TPD52L1: variants seen among roughly 807,000 people sequenced by gnomAD.
TPD52L1 encodes the protein TPD52 like 1.
A neutral mutation model predicts 28.7 loss-of-function variants in TPD52L1; 18 were observed. That is an observed-to-expected ratio of 0.63 (90% CI 0.43 to 0.93). The LOEUF is 0.93. Ranked by LOEUF, TPD52L1 falls within the 40% of genes least tolerant of loss-of-function variation. The probability of loss-of-function intolerance (pLI) is 0.00; values close to 1 mark genes in which losing one functional copy is unlikely to be tolerated. For synonymous variants in TPD52L1, 75 were observed against 88.8 expected, an observed-to-expected ratio of 0.84 and a Z score of 0.88; for missense variants, 203 against 254.8, an observed-to-expected ratio of 0.80 and a Z score of 1.39.
chr6:125,199,741 A>G (rs992653905), intron 1 of TPD52L1, among the ~76,000 whole-genome samples: 1 of 152,260 alleles, frequency 6.6e-6, no homozygotes, highest in African/African-American at 2.4e-5. Context: ...CCTGCAATAT[A>G]CAAATTAAAT....
At chr6:125,171,951 C>T (rs563104664) in intron 1 of TPD52L1, among the ~76,000 whole-genome samples, 1 of 152,108 alleles carries the variant, frequency 6.6e-6, no homozygotes, top group East Asian at 1.9e-4. Flanking sequence ...TGTGCTCTTG[C>T]CTTGCCTTGG....
chr6:125,235,202 G>A (rs932801947), intron 3 of TPD52L1, among the ~76,000 whole-genome samples: 10 of 151,766 alleles, frequency 6.6e-5, no homozygotes, highest in Non-Finnish European at 1.2e-4. Context: ...GCTTCTGGAT[G>A]GGGACCTATC....
intron 1 of TPD52L1, among the ~76,000 whole-genome samples, chr6:125,173,151 TTG>T (rs879857661): frequency 6.6e-6 from 1 of 152,000 alleles, no homozygotes. Flanking sequence ...TGCTGTGTGT[TTG>T]TGTGTGTGTG....
intron 1 of TPD52L1, among the ~76,000 whole-genome samples, chr6:125,187,231 A>T (rs1199922417): frequency 6.6e-6 from 1 of 152,224 alleles, no homozygotes; most frequent in Non-Finnish European, 1.5e-5. Flanking sequence ...TTTAAGTAAC[A>T]ATATGGCATT....
intron 2 of TPD52L1, among the ~76,000 whole-genome samples, chr6:125,226,670 C>T (rs1795629482): frequency 1.3e-5 from 2 of 151,652 alleles, no homozygotes; most frequent in African/African-American, 4.8e-5. Flanking sequence ...ATACCCCCAC[C>T]CCCGCCGAGA....
At chr6:125,238,729 A>G (rs1026504563) in intron 3 of TPD52L1, among the ~76,000 whole-genome samples, 7 of 152,336 alleles carry the variant, frequency 4.6e-5, no homozygotes, top group Middle Eastern at 3.4e-3. Context: ...TATATTAACT[A>G]GACTCAGAAA....
At chr6:125,198,125 T>C (rs1793564560) in intron 1 of TPD52L1, among the ~76,000 whole-genome samples, 1 of 152,162 alleles carries the variant, frequency 6.6e-6, no homozygotes, top group Admixed American at 6.5e-5. Context: ...TGCTTTGCCC[T>C]CTGAGAGAAG....
intron 1 of TPD52L1, among the ~76,000 whole-genome samples, chr6:125,210,305 G>T (rs532752554): frequency 6.6e-6 from 1 of 152,338 alleles, no homozygotes; most frequent in Admixed American, 6.5e-5. Flanking sequence ...CTACACTACT[G>T]TCCTACCAAT....
intron 1 of TPD52L1, among the ~76,000 whole-genome samples, chr6:125,205,464 T>A (rs183658239): frequency 6.6e-6 from 1 of 152,190 alleles, no homozygotes; most frequent in African/African-American, 2.4e-5. Context: ...GCATACTGTA[T>A]AGGCACAAGC....
chr6:125,195,908 A>G (rs1793403862), intron 1 of TPD52L1, among the ~76,000 whole-genome samples: 1 of 152,134 alleles, frequency 6.6e-6, no homozygotes, highest in African/African-American at 2.4e-5. Context: ...CTTGCTCATC[A>G]TATGCATCTC....
chr6:125,243,285 G>T (rs745448979), intron 3 of TPD52L1, among the ~76,000 whole-genome samples: 1 of 152,126 alleles, frequency 6.6e-6, no homozygotes, highest in African/African-American at 2.4e-5. Context: ...GTGTGCCTAT[G>T]TGATGATCTT....
chr6:125,190,859 C>T (rs556657461), intron 1 of TPD52L1, among the ~76,000 whole-genome samples: 58 of 152,170 alleles, frequency 3.8e-4, no homozygotes, highest in Non-Finnish European at 6.0e-4. Flanking sequence ...ACAGATGAAG[C>T]CTTGCTGGCT....
chr6:125,187,360 T>C (rs1029313334), intron 1 of TPD52L1, among the ~76,000 whole-genome samples: 4 of 152,196 alleles, frequency 2.6e-5, no homozygotes, highest in Non-Finnish European at 5.9e-5. Context: ...TACACTCTTT[T>C]TGGAAAATAA....
At chr6:125,229,604 A>G (rs921010460) in intron 3 of TPD52L1, among the ~76,000 whole-genome samples, 34 of 152,336 alleles carry the variant, frequency 2.2e-4, no homozygotes, top group African/African-American at 7.7e-4. Context: ...CATAAAAACT[A>G]TAAATGGGAA....
intron 6 of TPD52L1, among the ~76,000 whole-genome samples, chr6:125,257,855 A>G (rs1226445434): frequency 2.0e-5 from 3 of 150,798 alleles, no homozygotes; most frequent in Non-Finnish European, 2.9e-5. Flanking sequence ...AAAAATCATT[A>G]CAACTACTAA....
intron 1 of TPD52L1, among the ~76,000 whole-genome samples, chr6:125,187,741 G>A (rs62432194): frequency 0.025 from 3,823 of 152,220 alleles, 79 homozygotes; most frequent in Middle Eastern, 0.048. Context: ...ATATACTGTA[G>A]TGTGTATGTA....
In TPD52L1 at chr6:125,257,149, A is replaced by C; in HGVS notation, c.477A>C (p.Thr159=). 1.9e-6 allele frequency: 3 copies of C among 1,611,998 alleles called. No homozygotes were observed. The highest frequency in any genetic ancestry group is 2.5e-6 in the Non-Finnish European group (3 of 1,178,446). ...SFEERVETTV[T]SLKTKVGGTN... ...AGGAGAGGGTTGAGACAACTGTCAC[A>C]AGCCTCAAGGTACAGATGAAGTGAA... Residue 159 remains threonine, a synonymous_variant, in exon 6 of 7, where the codon ACA becomes ACC. Coordinates refer to ENST00000534000, the MANE Select transcript of TPD52L1 (RefSeq NM_003287.4).
chr6:125,218,168 C>A (rs1420958002), intron 1 of TPD52L1, among the ~76,000 whole-genome samples: 1 of 152,190 alleles, frequency 6.6e-6, no homozygotes, highest in Non-Finnish European at 1.5e-5. Context: ...GTAGACCATG[C>A]TAAATCATTT....
chr6:125,172,198 TTTCTTTC>T lies in TPD52L1; in HGVS notation c.19+18238_19+18244del, dbSNP rs1554202491. Among the ~76,000 whole-genome samples, 2 of 132,134 alleles carry T rather than the reference TTTCTTTC, an allele frequency of 1.5e-5. 1 individual carries two copies. Among genetic ancestry groups the T allele is most frequent in the African/African-American group, 5.8e-5 (2 of 34,320 alleles). 86.7% of individuals were successfully genotyped at this position (132,134 alleles called of 152,430 possible). ...CTTTCTTTCTTTCTTTCTTTCTTTC[TTTCTTTC>T]TTCTTTCTTTCTTTCCTTCCTTCCT... is the stretch of plus-strand genomic sequence containing the variant. On this transcript the variant is annotated intron_variant, in intron 1 of 6. Coordinates refer to ENST00000534000, the MANE Select transcript of TPD52L1 (RefSeq NM_003287.4).
Sources: allele counts gnomAD v4.1 joint callset (sites outside exome capture counted in the v4.1 genomes callset), GRCh38; gene constraint gnomAD v4.1.1; transcripts MANE v1.5; gene names NCBI Gene and HGNC (gene_info 2026-07-23, HGNC 2026-07-21).